SEMA3A: variants seen among roughly 807,000 people sequenced by gnomAD.
The protein encoded by SEMA3A is semaphorin-3A.
SEMA3A carries 29 observed loss-of-function variants against 97.9 expected under a neutral mutation model. The ratio of observed to expected loss-of-function variants is 0.30; its 90% CI spans 0.22 to 0.40. The LOEUF (loss-of-function observed/expected upper bound fraction) is 0.40, where lower values mean the gene tolerates loss of function less well. SEMA3A is among the 10% of genes least tolerant of loss of function. SEMA3A has a pLI of 1.00. For synonymous variants in SEMA3A, 321 were observed against 323.7 expected, an observed-to-expected ratio of 0.99 and a Z score of 0.09; for missense variants, 763 against 951.3, an observed-to-expected ratio of 0.80 and a Z score of 2.60.
chr7:84,150,012 TAA>T (rs1200249839), intron 1 of SEMA3A, among the ~76,000 whole-genome samples: 6 of 152,240 alleles, frequency 3.9e-5, no homozygotes, highest in Non-Finnish European at 5.9e-5. Context: ...ATTTTGCATG[TAA>T]AGAGTTTAAA....
chr7:84,203,945 G>GT (rs1798423854), intron 3 of SEMA3A, among the ~76,000 whole-genome samples: 1 of 152,006 alleles, frequency 6.6e-6, no homozygotes, highest in African/African-American at 2.4e-5. Context: ...CTACATTATA[G>GT]TTCACAAAAC....
At chr7:84,398,873 GA>G (rs1480165775) in intron 1 of SEMA3A, among the ~76,000 whole-genome samples, 6 of 152,074 alleles carry the variant, frequency 3.9e-5, no homozygotes, top group African/African-American at 1.4e-4. Flanking sequence ...TACAGAACAA[GA>G]TGGCCTAGTA....
At chr7:84,482,413 T>C (rs1354604338) in intron 1 of SEMA3A, among the ~76,000 whole-genome samples, 1 of 152,222 alleles carries the variant, frequency 6.6e-6, no homozygotes, top group Non-Finnish European at 1.5e-5. Flanking sequence ...TAATGAAATA[T>C]TATTCTTTTG....
rs190023241 is a variant in SEMA3A, at chr7:84,453,527, C to T, written c.-246+38933G>A. 2.5e-3 allele frequency among the ~76,000 whole-genome samples: 383 copies of T among 152,194 alleles called. 1 individual carries two copies. Among genetic ancestry groups the T allele is most frequent in the Non-Finnish European group, 4.0e-3 (273 of 68,018 alleles). On this transcript the variant is annotated intron_variant, in intron 1 of 3. Transcript: ENST00000424555. ...CTGGGATTACAGGCGTGAGCCACCG[C>T]GCCCGGCCGAGACTTTGTTTCTATT...
At chr7:84,024,570 A>G (rs1301023007) in intron 6 of SEMA3A, among the ~76,000 whole-genome samples, 2 of 152,014 alleles carry the variant, frequency 1.3e-5, no homozygotes, top group East Asian at 3.9e-4. Context: ...CCCCCACAAT[A>G]AAAGAAAAAA....
intron 5 of SEMA3A, among the ~76,000 whole-genome samples, chr7:84,054,097 G>A (rs946972444): frequency 3.3e-5 from 5 of 151,780 alleles, no homozygotes; most frequent in African/African-American, 1.2e-4. Flanking sequence ...TAGTCTGATG[G>A]GCTTCCCTTT....
intron 2 of SEMA3A, among the ~76,000 whole-genome samples, chr7:84,354,743 G>A (rs1802516097): frequency 6.6e-6 from 1 of 151,470 alleles, no homozygotes; most frequent in African/African-American, 2.4e-5. Flanking sequence ...TTTTTTAGAT[G>A]TGAATTACAA....
chr7:84,023,753 G>A (rs1270145783), intron 6 of SEMA3A, among the ~76,000 whole-genome samples: 1 of 152,226 alleles, frequency 6.6e-6, no homozygotes. Flanking sequence ...GCTCACGCCT[G>A]TAATCCCAGC....
At chr7:84,481,136 T>C (rs1434259952) in intron 1 of SEMA3A, among the ~76,000 whole-genome samples, 1 of 152,174 alleles carries the variant, frequency 6.6e-6, no homozygotes, top group Non-Finnish European at 1.5e-5. Context: ...CTGTTCTTTG[T>C]ATTTTCTAGC....
intron 3 of SEMA3A, among the ~76,000 whole-genome samples, chr7:84,241,116 T>A (rs1584158262): frequency 6.6e-6 from 1 of 152,242 alleles, no homozygotes; most frequent in South Asian, 2.1e-4. Context: ...TTTGGGTATA[T>A]ACCCAGTAAT....
intron 1 of SEMA3A, among the ~76,000 whole-genome samples, chr7:84,165,935 T>C (rs1433998298): frequency 6.6e-6 from 1 of 152,110 alleles, no homozygotes; most frequent in Non-Finnish European, 1.5e-5. Context: ...ATATCTAATA[T>C]GTGAAAATAT....
chr7:84,007,812 A>G (rs1790727446), intron 9 of SEMA3A, among the ~76,000 whole-genome samples: 1 of 152,184 alleles, frequency 6.6e-6, no homozygotes, highest in Admixed American at 6.5e-5. Flanking sequence ...ATAAATGAAT[A>G]TGTAATTTTA....
chr7:84,024,942 C>G (rs1477253369), intron 6 of SEMA3A, among the ~76,000 whole-genome samples: 1 of 151,866 alleles, frequency 6.6e-6, no homozygotes, highest in Non-Finnish European at 1.5e-5. Context: ...CAAAAAGTAG[C>G]CGGGCATGGT....
chr7:84,277,906 T>C (rs1283486036), intron 3 of SEMA3A, among the ~76,000 whole-genome samples: 2 of 152,138 alleles, frequency 1.3e-5, no homozygotes, highest in Non-Finnish European at 2.9e-5. Flanking sequence ...CTCTAGCAAG[T>C]GGTAGCTACA....
chr7:84,404,934 A>G (rs1387501200), intron 1 of SEMA3A, among the ~76,000 whole-genome samples: 2 of 152,222 alleles, frequency 1.3e-5, no homozygotes, highest in East Asian at 3.8e-4. Context: ...CAGCCACTGC[A>G]AAAACATGCC....
At chr7:84,034,180 C>T (rs1344801310) in intron 6 of SEMA3A, among the ~76,000 whole-genome samples, 1 of 151,966 alleles carries the variant, frequency 6.6e-6, no homozygotes, top group Non-Finnish European at 1.5e-5. Flanking sequence ...GACAGGGTCT[C>T]ATCATGTTGG....
At chr7:83,996,460 G>A (rs747521352) in intron 12 of SEMA3A, among the ~76,000 whole-genome samples, 15 of 151,816 alleles carry the variant, frequency 9.9e-5, no homozygotes, top group East Asian at 3.9e-4. Context: ...GTGCCACCAC[G>A]CCAGGCTAAT....
At chr7:84,382,706 A>T (rs1473202643) in intron 1 of SEMA3A, among the ~76,000 whole-genome samples, 1 of 44,744 alleles carries the variant, frequency 2.2e-5, no homozygotes, top group African/African-American at 1.8e-4. Flanking sequence ...AAAATCCAAA[A>T]AAAAAAAAAA....
chr7:83,980,602 T>TCAAAAAAAAAAAAAAA (rs1789353443), intron 14 of SEMA3A, among the ~76,000 whole-genome samples: 1 of 17,800 alleles, frequency 5.6e-5, no homozygotes, highest in South Asian at 1.0e-3. Flanking sequence ...AGACTCCATC[T>TCAAAAAAAAAAAAAAA]CAAAAAAAAA....
Sources: allele counts gnomAD v4.1 joint callset (sites outside exome capture counted in the v4.1 genomes callset), GRCh38; gene constraint gnomAD v4.1.1; transcripts MANE v1.5; gene names NCBI Gene and HGNC (gene_info 2026-07-23, HGNC 2026-07-21).